EVL: variants seen among roughly 807,000 people sequenced by gnomAD.
The protein encoded by EVL is Enah/Vasp-like, also known as ena/VASP-like protein.
Under a neutral mutation model 59.6 loss-of-function variants are expected in EVL, and 21 were observed. The ratio of observed to expected loss-of-function variants is 0.35; its 90% CI spans 0.25 to 0.51. EVL has a LOEUF of 0.51. EVL is among the 20% of genes least tolerant of loss of function. EVL has a pLI of 0.97. For missense variants in EVL, 462 were observed against 546.6 expected, an observed-to-expected ratio of 0.85 and a Z score of 1.54; for synonymous variants, 198 against 203.5, an observed-to-expected ratio of 0.97 and a Z score of 0.23.
chr14:100,022,280 T>TG (rs1434917330), intron 1 of EVL, among the ~76,000 whole-genome samples: 1 of 146,466 alleles, frequency 6.8e-6, no homozygotes. Flanking sequence ...CTTGGTTTGT[T>TG]TTTTTTTTTT....
intron 3 of EVL, among the ~76,000 whole-genome samples, chr14:100,099,382 A>C (rs577014249): frequency 6.6e-6 from 1 of 152,220 alleles, no homozygotes; most frequent in South Asian, 2.1e-4. Context: ...ATACAAACAC[A>C]CACCCACACA....
intron 3 of EVL, among the ~76,000 whole-genome samples, chr14:100,116,984 A>G (rs532868899): frequency 8.7e-4 from 133 of 152,318 alleles, no homozygotes; most frequent in African/African-American, 3.1e-3. Flanking sequence ...ACAATCCAGA[A>G]CCGTCCAGGA....
chr14:99,998,191 T>A (rs1410225472), intron 1 of EVL, among the ~76,000 whole-genome samples: 1 of 152,064 alleles, frequency 6.6e-6, no homozygotes, highest in Non-Finnish European at 1.5e-5. Flanking sequence ...AGCTAATTTT[T>A]TTATTATTTG....
intron 1 of EVL, 63 bp downstream of exon 1, chr14:100,065,574 G>T: frequency 9.9e-7 from 1 of 1,012,804 alleles, no homozygotes; most frequent in Non-Finnish European, 1.4e-6. Context: ...AATCTTAACG[G>T]TGAATGGGCT....
chr14:100,044,331 A>AT (rs987916428), intron 1 of EVL, among the ~76,000 whole-genome samples: 3 of 152,118 alleles, frequency 2.0e-5, no homozygotes, highest in African/African-American at 7.2e-5. Flanking sequence ...TAGTCCCTAT[A>AT]TTTTTTTAAT....
intron 1 of EVL, among the ~76,000 whole-genome samples, chr14:100,027,232 A>G (rs1265267464): frequency 6.6e-6 from 1 of 152,208 alleles, no homozygotes; most frequent in Non-Finnish European, 1.5e-5. Flanking sequence ...TCAAGCGTTT[A>G]TCATTTCTTT....
chr14:99,988,150 A>T (rs139609013), intron 1 of EVL, among the ~76,000 whole-genome samples: 2,031 of 152,118 alleles, frequency 0.013, 51 homozygotes, highest in African/African-American at 0.046. Context: ...TCCCGACTTC[A>T]GGTGATCTGC....
intron 1 of EVL, among the ~76,000 whole-genome samples, chr14:100,056,018 G>T (rs924659938): frequency 6.6e-6 from 1 of 151,952 alleles, no homozygotes; most frequent in African/African-American, 2.4e-5. Flanking sequence ...CACCATGTTG[G>T]CCGGGCTGGT....
At chr14:100,004,558 G>A (rs1171505466) in intron 1 of EVL, among the ~76,000 whole-genome samples, 2 of 151,552 alleles carry the variant, frequency 1.3e-5, no homozygotes, top group Non-Finnish European at 2.9e-5. Flanking sequence ...TAAAAGTTTT[G>A]TCTTTTTAAT....
intron 1 of EVL, among the ~76,000 whole-genome samples, chr14:100,028,134 G>GTTTTTTTT (rs137903594): frequency 1.7e-4 from 20 of 118,732 alleles, no homozygotes; most frequent in Non-Finnish European, 2.5e-4. Flanking sequence ...TTGTTTGTTT[G>GTTTTTTTT]TTTTTTTTTT....
intron 1 of EVL, among the ~76,000 whole-genome samples, chr14:99,995,995 G>C (rs544846163): frequency 2.8e-4 from 43 of 152,158 alleles, no homozygotes; most frequent in African/African-American, 1.0e-3. Context: ...AGTGATCTTT[G>C]TTTTCAGTGG....
intron 1 of EVL, among the ~76,000 whole-genome samples, chr14:99,986,207 G>A (rs926991485): frequency 4.7e-5 from 7 of 149,552 alleles, no homozygotes; most frequent in Middle Eastern, 3.5e-3. Context: ...CATGAGAATC[G>A]CTTGAACCTG....
intron 1 of EVL, among the ~76,000 whole-genome samples, chr14:99,996,446 G>A (rs1301623379): frequency 1.3e-5 from 2 of 152,144 alleles, no homozygotes; most frequent in East Asian, 3.8e-4. Context: ...TTCATGAAAT[G>A]TGATAAAATG....
At chr14:100,004,083 A>G (rs2060963126) in intron 1 of EVL, among the ~76,000 whole-genome samples, 1 of 152,206 alleles carries the variant, frequency 6.6e-6, no homozygotes, top group South Asian at 2.1e-4. Flanking sequence ...GTGCGCCTGT[A>G]ATCCCAGCTA....
intron 3 of EVL, chr14:100,106,233 CTGTTT>C (rs1228260290): frequency 6.6e-6 from 1 of 152,240 alleles, no homozygotes; most frequent in Non-Finnish European, 1.5e-5. Context: ...AGAGCTTGCT[CTGTTT>C]TAAGAAAAAG....
At chr14:99,973,610 G>A (rs1211654116) in intron 1 of EVL, among the ~76,000 whole-genome samples, 1 of 152,066 alleles carries the variant, frequency 6.6e-6, no homozygotes, top group South Asian at 2.1e-4. Context: ...TTACAGGTAC[G>A]TACCACCACA....
chr14:100,089,580 A>G (rs563713401), intron 2 of EVL, among the ~76,000 whole-genome samples: 2 of 152,254 alleles, frequency 1.3e-5, no homozygotes, highest in Non-Finnish European at 2.9e-5. Context: ...TTTGAACTGA[A>G]CAGTAATGAC....
intron 1 of EVL, among the ~76,000 whole-genome samples, chr14:100,013,798 A>G (rs958952538): frequency 2.0e-5 from 3 of 152,236 alleles, no homozygotes; most frequent in South Asian, 2.1e-4. Context: ...GAAGCATACA[A>G]TGGTCAGATT....
intron 1 of EVL, among the ~76,000 whole-genome samples, chr14:100,028,122 T>TTTG (rs1555413975): frequency 7.4e-6 from 1 of 135,288 alleles, no homozygotes; most frequent in African/African-American, 3.0e-5. Context: ...TTAGTTGTTT[T>TTTG]TTTGTTTGTT....
Sources: gnomAD v4.1 joint callset for allele counts (sites outside exome capture counted in the v4.1 genomes callset) on GRCh38, gnomAD v4.1.1 for gene constraint, MANE v1.5 for transcripts, NCBI Gene and HGNC (gene_info 2026-07-23, HGNC 2026-07-21) for gene names.